The following SLC2A13 variants were observed in gnomAD, a reference collection of about 807,000 sequenced individuals.
SLC2A13 encodes the protein proton myo-inositol cotransporter.
SLC2A13 carries 32 observed loss-of-function variants against 64.4 expected under a neutral mutation model. The observed-to-expected ratio is 0.50, with a 90% CI of 0.37 to 0.67. The LOEUF is 0.67. Ranked by LOEUF, SLC2A13 falls within the 30% of genes least tolerant of loss-of-function variation. SLC2A13 has a pLI of 0.00. For missense variants in SLC2A13, 743 were observed against 829.2 expected (o/e 0.90, Z 1.28); for synonymous variants, 338 against 327.1 (o/e 1.03, Z -0.36).
intron 2 of SLC2A13, among the ~76,000 whole-genome samples, chr12:40,029,196 A>G (rs560541244): frequency 1.2e-4 from 19 of 152,314 alleles, no homozygotes; most frequent in African/African-American, 4.6e-4. Context: ...GCAAACAACA[A>G]TATCATTTTA....
chr12:39,791,197 T>C (rs907645695), intron 7 of SLC2A13, among the ~76,000 whole-genome samples: 1 of 151,436 alleles, frequency 6.6e-6, no homozygotes, highest in Non-Finnish European at 1.5e-5. Flanking sequence ...AAACTCTCAA[T>C]AAATTAGGTA....
At chr12:39,905,411 G>A (rs983752019) in intron 4 of SLC2A13, among the ~76,000 whole-genome samples, 1 of 152,130 alleles carries the variant, frequency 6.6e-6, no homozygotes, top group East Asian at 1.9e-4. Flanking sequence ...GGCTGCAGAT[G>A]ACTAGCTGAA....
At chr12:39,796,438 A>C (rs943844874) in intron 7 of SLC2A13, among the ~76,000 whole-genome samples, 5 of 151,836 alleles carry the variant, frequency 3.3e-5, no homozygotes, top group Non-Finnish European at 4.4e-5. Flanking sequence ...AAAAAAAAAA[A>C]AAAAACCTAA....
intron 7 of SLC2A13, among the ~76,000 whole-genome samples, chr12:39,769,089 G>A (rs534355586): frequency 1.3e-5 from 2 of 152,188 alleles, no homozygotes; most frequent in Admixed American, 6.5e-5. Flanking sequence ...AAACCATGCT[G>A]TTGGGCTGTA....
chr12:39,902,788 T>C (rs57168135), intron 4 of SLC2A13, among the ~76,000 whole-genome samples: 3,381 of 152,236 alleles, frequency 0.022, 124 homozygotes, highest in African/African-American at 0.077. Context: ...ATAGTTTATA[T>C]AGTTTTAGTT....
intron 3 of SLC2A13, among the ~76,000 whole-genome samples, chr12:40,024,165 A>C (rs920621447): frequency 3.3e-5 from 5 of 152,220 alleles, no homozygotes; most frequent in Non-Finnish European, 7.3e-5. Flanking sequence ...AATATGATAT[A>C]AACTAGGAAA....
Position 39,895,514 on chromosome 12 carries a change from TTATATATATATATATA to T in SLC2A13, c.1035-23569_1035-23554del, listed in dbSNP as rs777418112. Among the ~76,000 whole-genome samples, 377 of 56,636 alleles carry T rather than the reference TTATATATATATATATA, an allele frequency of 6.7e-3. 121 individuals carry two copies. The highest frequency in any genetic ancestry group is 0.018 in the Middle Eastern group (1 of 56). 37.2% of individuals were successfully genotyped at this position (56,636 alleles called of 152,430 possible). ...CAAAAAAAAAAAAAAAAAAAAAAAA[TTATATATATATATATA>T]TATATATATATATATATATATACAC... On this transcript the variant is annotated intron_variant, in intron 4 of 9. Transcript: ENST00000280871.
chr12:40,016,189 A>G (rs1400800223), intron 3 of SLC2A13, among the ~76,000 whole-genome samples: 1 of 151,820 alleles, frequency 6.6e-6, no homozygotes, highest in East Asian at 1.9e-4. Flanking sequence ...AACATACTAC[A>G]CCACCCCCCC....
intron 6 of SLC2A13, among the ~76,000 whole-genome samples, chr12:39,853,905 TA>T (rs1203245343): frequency 6.6e-6 from 1 of 152,146 alleles, no homozygotes; most frequent in Non-Finnish European, 1.5e-5. Flanking sequence ...AAAATTTCAT[TA>T]AAAACTCTTG....
chr12:39,832,513 T>G (rs1054489534), intron 6 of SLC2A13, among the ~76,000 whole-genome samples: 3 of 152,034 alleles, frequency 2.0e-5, no homozygotes, highest in African/African-American at 7.2e-5. Context: ...AACAAATAAC[T>G]TCCTCCACCA....
chr12:39,981,794 GA>G (rs1946907888), intron 3 of SLC2A13, among the ~76,000 whole-genome samples: 3 of 128,402 alleles, frequency 2.3e-5, no homozygotes, highest in Admixed American at 8.2e-5. Flanking sequence ...CCAATCAATA[GA>G]AAAAGAGGGA....
chr12:39,790,901 T>G (rs1941379044), intron 7 of SLC2A13, among the ~76,000 whole-genome samples: 1 of 37,152 alleles, frequency 2.7e-5, no homozygotes, highest in Admixed American at 3.4e-4. Context: ...GACTTTTTAA[T>G]GATTGCCATT....
chr12:39,842,198 T>C (rs1943195760), intron 6 of SLC2A13, among the ~76,000 whole-genome samples: 1 of 151,946 alleles, frequency 6.6e-6, no homozygotes, highest in Non-Finnish European at 1.5e-5. Flanking sequence ...ATAAAGAAAA[T>C]AAGCTAAAAC....
At chr12:39,891,755 C>T (rs914938917) in intron 4 of SLC2A13, among the ~76,000 whole-genome samples, 10 of 152,138 alleles carry the variant, frequency 6.6e-5, no homozygotes, top group Admixed American at 6.5e-4. Flanking sequence ...GATCAGGGCT[C>T]AGTCCCCTAA....
intron 7 of SLC2A13, among the ~76,000 whole-genome samples, chr12:39,771,435 A>G (rs1940572723): frequency 6.6e-6 from 1 of 152,146 alleles, no homozygotes; most frequent in Non-Finnish European, 1.5e-5. Flanking sequence ...GAAGGAACTG[A>G]GGGCAGCCTC....
At chr12:39,901,310 G>C (rs1418901704) in intron 4 of SLC2A13, among the ~76,000 whole-genome samples, 2 of 152,102 alleles carry the variant, frequency 1.3e-5, no homozygotes, top group Non-Finnish European at 2.9e-5. Flanking sequence ...AACACCAAAA[G>C]TAATGGCAAC....
intron 2 of SLC2A13, among the ~76,000 whole-genome samples, chr12:40,031,156 G>A (rs1234996604): frequency 6.6e-6 from 1 of 152,194 alleles, no homozygotes; most frequent in Non-Finnish European, 1.5e-5. Flanking sequence ...AGGAATGGAT[G>A]TGGGTGTCAC....
intron 3 of SLC2A13, among the ~76,000 whole-genome samples, chr12:39,974,315 A>T (rs576439983): frequency 6.6e-6 from 1 of 152,332 alleles, no homozygotes; most frequent in African/African-American, 2.4e-5. Flanking sequence ...TCAACAGCTT[A>T]TCCAAAGTCA....
intron 6 of SLC2A13, among the ~76,000 whole-genome samples, chr12:39,861,234 T>G (rs2135918521): frequency 6.6e-6 from 1 of 152,382 alleles, no homozygotes; most frequent in Admixed American, 6.5e-5. Flanking sequence ...CAGGCTTTAT[T>G]AATTCTAACA....
Sources: allele counts gnomAD v4.1 joint callset (sites outside exome capture counted in the v4.1 genomes callset), GRCh38; gene constraint gnomAD v4.1.1; transcripts MANE v1.5; gene names NCBI Gene and HGNC (gene_info 2026-07-23, HGNC 2026-07-21).